The following COPZ1 variants were observed in gnomAD, a reference collection of about 807,000 sequenced individuals.
COPZ1 encodes coatomer subunit zeta-1.
In COPZ1, 4 loss-of-function variants were observed where a neutral mutation model predicts 31.7. The observed-to-expected ratio is 0.13, with a 90% CI of 0.06 to 0.29. COPZ1 has a LOEUF of 0.29. COPZ1 is among the 10% of genes least tolerant of loss of function. The probability of loss-of-function intolerance (pLI) is 1.00; values close to 1 mark genes in which losing one functional copy is unlikely to be tolerated. For missense variants in COPZ1, 156 were observed against 211.5 expected (o/e 0.74, Z 1.63); for synonymous variants, 74 against 79.0 (o/e 0.94, Z 0.33).
rs1436357946 is a variant in COPZ1 at position 54,339,861 on chromosome 12, C to G, written c.19-686C>G. On this transcript the variant is annotated intron_variant, in intron 1 of 8. Transcript: ENST00000262061. ...TTAACTCCCCCAAAATTCAGGTTGG[C>G]TTTTGTCCTTGGAAGTTAAGTGGTA... Among the ~76,000 whole-genome samples, 3 of 152,180 alleles carry G rather than the reference C, an allele frequency of 2.0e-5. No homozygotes were observed. The East Asian group carries it at 5.8e-4, about 29-fold the overall frequency.
At chr12:54,329,632 C>T (rs1177505106) in intron 1 of COPZ1, among the ~76,000 whole-genome samples, 1 of 152,146 alleles carries the variant, frequency 6.6e-6, no homozygotes, top group Non-Finnish European at 1.5e-5. Flanking sequence ...AATCTTTGTT[C>T]ATAGGTTTTA....
chr12:54,335,485 C>T (rs527557107), intron 1 of COPZ1, among the ~76,000 whole-genome samples: 9 of 151,636 alleles, frequency 5.9e-5, no homozygotes, highest in African/African-American at 1.5e-4. Flanking sequence ...CTCAGCTCAC[C>T]GCAACCTCTG....
intron 2 of COPZ1, among the ~76,000 whole-genome samples, chr12:54,341,464 G>C (rs1054137422): frequency 1.0e-3 from 153 of 152,290 alleles, no homozygotes; most frequent in African/African-American, 3.6e-3. Context: ...TCAATCAGCA[G>C]GTAGAGATTA....
chr12:54,349,992 CTCTT>C (rs1954120558), intron 8 of COPZ1: 1 of 591,702 alleles, frequency 1.7e-6, no homozygotes, highest in Admixed American at 3.0e-5. Flanking sequence ...CACACACACT[CTCTT>C]TCTCTTATTA....
intron 1 of COPZ1, among the ~76,000 whole-genome samples, chr12:54,335,412 G>GTTT (rs36117905): frequency 7.0e-6 from 1 of 142,612 alleles, no homozygotes; most frequent in Admixed American, 7.0e-5. Flanking sequence ...CTTAGGGAAT[G>GTTT]TTTTTTTTTT....
chr12:54,328,176 T>C (rs1953688556), intron 1 of COPZ1, among the ~76,000 whole-genome samples: 1 of 150,204 alleles, frequency 6.7e-6, no homozygotes, highest in South Asian at 2.1e-4. Flanking sequence ...CTCAGGAGGC[T>C]GAGGCAGGAG....
At chr12:54,340,391 C>CAA in intron 1 of COPZ1, 156 bp from the exon 2 acceptor site, 2 of 1,249,832 alleles carry the variant, frequency 1.6e-6, no homozygotes, top group Non-Finnish European at 2.1e-6. Context: ...GGGTCTTTCT[C>CAA]AATGGGAAAT....
At position 54,346,736 on chromosome 12, in the gene COPZ1, G is replaced by A. The variant is rs1051515182; in HGVS notation, c.318-1031G>A. The A allele has an allele frequency of 6.8e-5, 47 of 687,326 alleles. No homozygotes were observed. In the African/African-American group the frequency reaches 7.1e-4, roughly 10 times the overall value. 42.6% of individuals were successfully genotyped at this position (687,326 alleles called of 1,614,324 possible). On this transcript the variant is annotated intron_variant, in intron 5 of 8. Coordinates refer to ENST00000262061, the MANE Select transcript of COPZ1 (RefSeq NM_016057.3). Reference sequence around the variant, plus strand: ...CCAGGTGTGGTGGTGCATACCTGTAGTCTCAGCTACTTGGGAGGCTGAGGT... The same window carrying A: ...CCAGGTGTGGTGGTGCATACCTGTAATCTCAGCTACTTGGGAGGCTGAGGT...
At chr12:54,336,560 G>T (rs1049618206) in intron 1 of COPZ1, among the ~76,000 whole-genome samples, 7 of 151,562 alleles carry the variant, frequency 4.6e-5, no homozygotes, top group Non-Finnish European at 8.8e-5. Flanking sequence ...CTCTTATCCA[G>T]AGCTGCCTTT....
intron 8 of COPZ1, 56 bp from the exon 9 acceptor site, chr12:54,350,420 C>T: frequency 7.0e-7 from 1 of 1,421,074 alleles, no homozygotes; most frequent in Non-Finnish European, 1.0e-6. Context: ...CCCCAGCCCT[C>T]ATCCTTACCC....
At chr12:54,340,346 A>T in intron 1 of COPZ1, 1 of 773,526 alleles carries the variant, frequency 1.3e-6, no homozygotes, top group Non-Finnish European at 1.9e-6. Context: ...TCCTTTGTTT[A>T]AATGCTTTCT....
chr12:54,345,648 A>G, intron 5 of COPZ1, 133 bp downstream of exon 5: 1 of 681,776 alleles, frequency 1.5e-6, no homozygotes. Context: ...GGCTCCAGGG[A>G]GTTGATTTAG....
At chr12:54,334,081 AAATAAT>A (rs1022189296) in intron 1 of COPZ1, among the ~76,000 whole-genome samples, 2 of 151,380 alleles carry the variant, frequency 1.3e-5, no homozygotes, top group Non-Finnish European at 2.9e-5. Flanking sequence ...GGGTGACAAG[AAATAAT>A]AATAATATTA....
chr12:54,342,564 C>T (rs1953988963), intron 3 of COPZ1: 1 of 454,100 alleles, frequency 2.2e-6, no homozygotes, highest in Admixed American at 3.6e-5. Context: ...TATTGTACCG[C>T]ATCCATTAGG....
At chr12:54,331,561 T>C (rs142322881) in intron 1 of COPZ1, among the ~76,000 whole-genome samples, 9 of 152,166 alleles carry the variant, frequency 5.9e-5, no homozygotes, top group African/African-American at 2.2e-4. Context: ...TGCAACTCCT[T>C]TTCTGTTGTG....
intron 1 of COPZ1, among the ~76,000 whole-genome samples, chr12:54,327,433 G>C (rs972088258): frequency 6.6e-6 from 1 of 151,948 alleles, no homozygotes; most frequent in Non-Finnish European, 1.5e-5. Flanking sequence ...GAGTAGCTGG[G>C]ACTACAGGCA....
rs1565594719 is a variant in COPZ1 at position 54,342,267 on chromosome 12, A to G, written c.149A>G (p.Asn50Ser). The change falls in exon 3 of 9, where the codon AAC becomes AGC. Residue 50 changes from asparagine (N) to serine (S), a missense_variant. Asn to Ser is a conservative substitution (Grantham distance 46, BLOSUM62 1). Transcript: ENST00000262061. ...EQKAFEKNIF[N>S]KTHRTDSEIA... The stretch of plus-strand genomic sequence containing the variant: ...AAGGCCTTTGAGAAGAACATTTTCA[A>G]CAAGACCCATCGGACTGACAGTAGG... 2.5e-6 allele frequency: 4 copies of G among 1,613,942 alleles called. No homozygotes were observed. The highest frequency in any genetic ancestry group is 4.5e-5 in the East Asian group (2 of 44,874).
chr12:54,336,990 C>A (rs1953880025), intron 1 of COPZ1, among the ~76,000 whole-genome samples: 1 of 141,104 alleles, frequency 7.1e-6, no homozygotes, highest in East Asian at 2.2e-4. Context: ...CCACTGCACT[C>A]CAGCCTGGGT....
intron 1 of COPZ1, among the ~76,000 whole-genome samples, chr12:54,335,547 T>C (rs1338509451): frequency 6.6e-6 from 1 of 152,144 alleles, no homozygotes. Context: ...TAGCTGGGAT[T>C]ACAGGCGTCT....
Sources: allele counts gnomAD v4.1 joint callset (sites outside exome capture counted in the v4.1 genomes callset), GRCh38; gene constraint gnomAD v4.1.1; transcripts MANE v1.5; gene names NCBI Gene and HGNC (gene_info 2026-07-23, HGNC 2026-07-21).